The following SLC18A1 variants were observed in gnomAD, a reference collection of about 807,000 sequenced individuals.
The protein encoded by SLC18A1 is solute carrier family 18 member A1, also known as chromaffin granule amine transporter.
SLC18A1 carries 69 observed loss-of-function variants against 53.7 expected under a neutral mutation model. That is an observed-to-expected ratio of 1.28 (90% CI 1.06 to 1.57). The LOEUF (loss-of-function observed/expected upper bound fraction) is 1.57, where lower values mean the gene tolerates loss of function less well. SLC18A1 is among the 40% of genes most tolerant of loss of function. The probability of loss-of-function intolerance (pLI) is 0.00; values close to 1 mark genes in which losing one functional copy is unlikely to be tolerated. For synonymous variants in SLC18A1, 320 were observed against 248.1 expected (o/e 1.29, Z -2.72); for missense variants, 932 against 668.1 (o/e 1.40, Z -4.35).
intron 4 of SLC18A1, 96 bp downstream of exon 4, chr8:20,178,339 A>T (rs2072303703): frequency 1.0e-6 from 1 of 969,244 alleles, no homozygotes; most frequent in African/African-American, 1.7e-5. Flanking sequence ...CAGATGCCTA[A>T]TTACATTCTA....
chr8:20,151,435 A>G (rs1375786567), intron 10 of SLC18A1, among the ~76,000 whole-genome samples: 1 of 152,118 alleles, frequency 6.6e-6, no homozygotes, highest in African/African-American at 2.4e-5. Flanking sequence ...CCACATACCC[A>G]TACATAATTC....
rs375825043 is a variant in SLC18A1, at chr8:20,179,265, G to C, written c.344C>G (p.Thr115Ser). Residue 115 changes from threonine (T) to serine (S), a missense_variant, in exon 3 of 16, where the codon ACT becomes AGT. By Grantham distance (58) the Thr-to-Ser change is moderately conservative. Transcript: ENST00000276373. ...GTTTTTATGAGCTGAGATGGCTTCAGTGGCTGGAGGTGGGATGGTGCTGGC... is the reference window on the plus strand; with the variant it reads ...GTTTTTATGAGCTGAGATGGCTTCACTGGCTGGAGGTGGGATGGTGCTGGC... ...DTASTIPPPA[T>S]EAISAHKNNC... 1 of 1,614,202 alleles carries C rather than the reference G, an allele frequency of 6.2e-7. No individual in the cohort carries two copies. The highest frequency in any genetic ancestry group is 8.5e-7 in the Non-Finnish European group (1 of 1,180,044).
intron 5 of SLC18A1, among the ~76,000 whole-genome samples, chr8:20,173,660 G>A (rs1290107234): frequency 6.6e-6 from 1 of 152,142 alleles, no homozygotes; most frequent in Non-Finnish European, 1.5e-5. Context: ...ATATTCACCA[G>A]TACTTTGAAA....
Position 20,179,109 on chromosome 8 carries a change from C to A in SLC18A1, c.488+12G>T, listed in dbSNP as rs201215356. Reference sequence around the variant, plus strand: ...CTGTGTACCCTGCGGGGCACTGCACCCAGTGAGATACCTGTTGGTGAGAGG... The same window carrying A: ...CTGTGTACCCTGCGGGGCACTGCACACAGTGAGATACCTGTTGGTGAGAGG... On this transcript the variant is annotated intron_variant, in intron 3 of 15. Transcript: ENST00000276373. 20 of 1,604,256 alleles carry A rather than the reference C, an allele frequency of 1.2e-5. No homozygotes were observed. The highest frequency in any genetic ancestry group is 1.7e-5 in the Non-Finnish European group (20 of 1,174,262).
At chr8:20,156,423 C>A (rs2128870881) in intron 10 of SLC18A1, among the ~76,000 whole-genome samples, 1 of 152,158 alleles carries the variant, frequency 6.6e-6, no homozygotes, top group East Asian at 1.9e-4. Context: ...AAGGTCTGAC[C>A]AGACTCAGGA....
chr8:20,170,886 A>G (rs1272505055), intron 8 of SLC18A1, among the ~76,000 whole-genome samples: 1 of 152,190 alleles, frequency 6.6e-6, no homozygotes, highest in Admixed American at 6.5e-5. Context: ...ATTATGCACA[A>G]GGTTCTTCCA....
intron 7 of SLC18A1, 48 bp from the exon 8 acceptor site, chr8:20,171,194 T>TG (rs2072106757): frequency 6.2e-7 from 1 of 1,603,000 alleles, no homozygotes; most frequent in Non-Finnish European, 8.5e-7. Context: ...ACTGATTAGC[T>TG]GGGGGCTCCA....
intron 15 of SLC18A1, among the ~76,000 whole-genome samples, chr8:20,146,963 C>T (rs1227799612): frequency 6.6e-6 from 1 of 152,112 alleles, no homozygotes. Context: ...AACTAGCAAG[C>T]TAAGAACAGT....
Position 20,181,057 on chromosome 8 carries a change from G to T in SLC18A1, c.-93C>A. The T allele has an allele frequency of 1.4e-6, 2 of 1,447,796 alleles. No homozygotes were observed. The highest frequency in any genetic ancestry group is 2.0e-4 in the Middle Eastern group (1 of 4,926). 89.7% of individuals were successfully genotyped at this position (1,447,796 alleles called of 1,614,324 possible). On this transcript the variant is annotated 5_prime_UTR_variant, in exon 2 of 16. Transcript: ENST00000276373. ...TCTCCTGCAGCCTTTATGGAAGAGGGGAGGGAGTCTGCCCAGACGAAGGAA... is the reference window on the plus strand; with the variant it reads ...TCTCCTGCAGCCTTTATGGAAGAGGTGAGGGAGTCTGCCCAGACGAAGGAA...
At chr8:20,163,344 A>G (rs1315913414) in intron 10 of SLC18A1, among the ~76,000 whole-genome samples, 1 of 152,148 alleles carries the variant, frequency 6.6e-6, no homozygotes, top group Non-Finnish European at 1.5e-5. Context: ...TCAATTTGCA[A>G]CATATAAATT....
chr8:20,148,136 A>G, intron 12 of SLC18A1, 66 bp from the exon 13 acceptor site: 1 of 1,394,228 alleles, frequency 7.2e-7, no homozygotes, highest in South Asian at 1.2e-5. Flanking sequence ...AGGTTCAAAG[A>G]GTTTTCACAT....
At chr8:20,151,614 C>A (rs1382650346) in intron 10 of SLC18A1, among the ~76,000 whole-genome samples, 3 of 152,126 alleles carry the variant, frequency 2.0e-5, no homozygotes, top group Admixed American at 2.0e-4. Context: ...GTAATGCATG[C>A]AAAAGTATTT....
In SLC18A1 at chr8:20,179,323, C is replaced by G; in HGVS notation, c.286G>C (p.Val96Leu). 6.2e-7 allele frequency: 1 copy of G among 1,614,150 alleles called. No homozygotes were observed. The highest frequency in any genetic ancestry group is 8.5e-7 in the Non-Finnish European group (1 of 1,180,032). ...TTCATCCATGCTATTCCACTAGGTA[C>G]GCTTTCTTCAACAGCCACGGTGTTG... ...NNNTVAVEES[V>L]PSGIAWMNDT... Residue 96 changes from valine (V) to leucine (L), a missense_variant, in exon 3 of 16, where the codon GTA (valine) becomes CTA (leucine). By Grantham distance (32) the Val-to-Leu change is conservative. Transcript: ENST00000276373.
intron 2 of SLC18A1, among the ~76,000 whole-genome samples, chr8:20,180,108 TTGTGTGTGTG>T (rs112531759): frequency 6.4e-4 from 93 of 146,190 alleles, no homozygotes; most frequent in Non-Finnish European, 9.6e-4. Context: ...AAGATTATAA[TTGTGTGTGTG>T]TGTGTGTGTG....
At chr8:20,180,103 T>A (rs1003408798) in intron 2 of SLC18A1, among the ~76,000 whole-genome samples, 1 of 134,214 alleles carries the variant, frequency 7.5e-6, no homozygotes, top group African/African-American at 3.0e-5. Flanking sequence ...GATTTAAGAT[T>A]ATAATTGTGT....
At chr8:20,180,398 A>G (rs1033873737) in intron 2 of SLC18A1, among the ~76,000 whole-genome samples, 1 of 152,238 alleles carries the variant, frequency 6.6e-6, no homozygotes, top group Non-Finnish European at 1.5e-5. Flanking sequence ...TCTGAGGGAA[A>G]GAACCACAAG....
Position 20,145,797 on chromosome 8 carries a change from T to TC in SLC18A1, c.1543dup (p.Glu515GlyfsTer4). The TC allele has an allele frequency of 6.2e-7, 1 of 1,611,666 alleles. No homozygotes were observed. Among genetic ancestry groups the TC allele is most frequent in the South Asian group, 1.1e-5 (1 of 90,424 alleles). ...ATGGTCAGGCTCCTCATCACTGTCC[T>TC]CCCCCAGAGGAAATTCCTTCGTGGG... On this transcript the variant is annotated frameshift_variant, in exon 16 of 16. Transcript: ENST00000276373. LOFTEE classifies it high-confidence loss of function.
intron 10 of SLC18A1, among the ~76,000 whole-genome samples, chr8:20,154,579 A>G (rs1415031813): frequency 6.6e-6 from 1 of 152,232 alleles, no homozygotes; most frequent in Non-Finnish European, 1.5e-5. Context: ...ATGTTGCAGG[A>G]AAACAATGTT....
chr8:20,169,496 T>C (rs1430908692), intron 8 of SLC18A1, among the ~76,000 whole-genome samples: 5 of 152,106 alleles, frequency 3.3e-5, no homozygotes, highest in Non-Finnish European at 4.4e-5. Flanking sequence ...TGCTCTAAAG[T>C]ATCAAGGGGT....
Sources: gnomAD v4.1 joint callset for allele counts (sites outside exome capture counted in the v4.1 genomes callset) on GRCh38, gnomAD v4.1.1 for gene constraint, MANE v1.5 for transcripts, NCBI Gene and HGNC (gene_info 2026-07-23, HGNC 2026-07-21) for gene names.